CLUH: variants seen among roughly 807,000 people sequenced by gnomAD.
CLUH encodes the protein CLUH binding protein of NUMT mRNA, also known as clustered mitochondria protein homolog.
In CLUH, 77 loss-of-function variants were observed where a neutral mutation model predicts 139.3. That is an observed-to-expected ratio of 0.55 (90% confidence interval 0.46 to 0.67). The LOEUF (loss-of-function observed/expected upper bound fraction) is 0.67. Ranked by LOEUF, CLUH falls within the 30% of genes least tolerant of loss-of-function variation. The pLI is 0.00. For synonymous variants in CLUH, 999 were observed against 801.6 expected (o/e 1.25, Z -4.16); for missense variants, 1,876 against 1,875.8 (o/e 1.00, Z 0.00).
At chr17:2,696,982 C>CG in intron 10 of CLUH, 40 bp from the exon 11 acceptor site, 1 of 1,449,902 alleles carries the variant, frequency 6.9e-7, no homozygotes, top group Non-Finnish European at 9.2e-7. Context: ...AGCTGGACAT[C>CG]GGGGAGAGGA....
rs1597619781 is a variant in CLUH at position 2,701,951 on chromosome 17, C to T, written c.582G>A (p.Leu194=). The T allele has an allele frequency of 1.9e-6, 3 of 1,614,012 alleles. No homozygotes were observed. The highest frequency in any genetic ancestry group is 2.5e-6 in the Non-Finnish European group (3 of 1,179,906). ...CGTCGGTGAAGACACTCAGGAAGGA[C>T]AAGGAGTTGCAGTCAACCCCGTTGA... ...DAFNGVDCNS[L]SFLSVFTDGD... Residue 194 remains leucine, a synonymous_variant, in exon 4 of 26, where the codon TTG becomes TTA. Coordinates refer to ENST00000651024, the MANE Select transcript of CLUH (RefSeq NM_001366661.1).
Position 2,698,603 on chromosome 17 carries a change from G to A in CLUH, c.1267-13C>T, listed in dbSNP as rs755824129. The A allele has an allele frequency of 2.5e-6, 4 of 1,575,098 alleles. No homozygotes were observed. The highest frequency in any genetic ancestry group is 2.3e-5 in the East Asian group (1 of 43,212). ...AGTCGCTGTGCACCTGGCGGGGGTC[G>A]AGGAGGGCAGGGTTAGAGGCCGCGC... On this transcript the variant is annotated splice_polypyrimidine_tract_variant and intron_variant, in intron 9 of 25. Transcript: ENST00000651024.
chr17:2,691,222 C>G (rs117375083), intron 25 of CLUH, among the ~76,000 whole-genome samples: 838 of 152,264 alleles, frequency 5.5e-3, no homozygotes, highest in Middle Eastern at 0.01. Context: ...TTGTGTGAAG[C>G]AGAAACACCA....
chr17:2,703,102 A>G lies in CLUH; in HGVS notation c.475+216T>C, dbSNP rs1384748036. Among the ~76,000 whole-genome samples the G allele has an allele frequency of 6.6e-6, 1 of 152,056 alleles. No individual in the cohort carries two copies. The highest frequency in any genetic ancestry group is 1.5e-5 in the Non-Finnish European group (1 of 68,014). On this transcript the variant is annotated intron_variant, in intron 3 of 25. Transcript: ENST00000651024. The surrounding 1 kb of genome is among the most constrained non-coding windows in gnomAD (Gnocchi z 4.2). ...TGGCCTCCCAAAGTGTTGGGATTAC[A>G]GGCGTGAGCCACCATGCCCAGCCCA...
At chr17:2,710,725 GCAGCCACTGCCA>G (rs939991774) in intron 1 of CLUH, among the ~76,000 whole-genome samples, 5 of 152,186 alleles carry the variant, frequency 3.3e-5, no homozygotes, top group African/African-American at 1.2e-4. Flanking sequence ...GAGACAAGCT[GCAGCCACTGCCA>G]CAGTCACCAC....
intron 16 of CLUH, 35 bp downstream of exon 16, chr17:2,694,822 T>TGCCCCCCCCCC: frequency 1.4e-5 from 19 of 1,346,330 alleles, no homozygotes; most frequent in Non-Finnish European, 1.7e-5. Flanking sequence ...ATCTGCCCAA[T>TGCCCCCCCCCC]CCCACCCACC....
At chr17:2,705,680 G>A (rs748059232) in intron 1 of CLUH, among the ~76,000 whole-genome samples, 1 of 152,058 alleles carries the variant, frequency 6.6e-6, no homozygotes, top group African/African-American at 2.4e-5. Flanking sequence ...CCAGGGTGGC[G>A]TCCTCACCAG....
rs1485894483 is a variant in CLUH at position 2,695,356 on chromosome 17, A to ACCC, written c.2544+15_2544+17dup. On this transcript the variant is annotated intron_variant, in intron 14 of 25. Transcript: ENST00000651024. ...AGTCCCACAGCTCCCGTTCCGCCCC[A>ACCC]CCCCGGGCAGCACTCACAAAGACGT... 1.7e-5 allele frequency: 27 copies of ACCC among 1,612,726 alleles called. No homozygotes were observed. Among genetic ancestry groups the ACCC allele is most frequent in the Non-Finnish European group, 2.3e-5 (27 of 1,179,680 alleles).
chr17:2,693,548 C>T (rs533929213), intron 19 of CLUH, among the ~76,000 whole-genome samples: 1 of 115,250 alleles, frequency 8.7e-6, no homozygotes, highest in Non-Finnish European at 1.8e-5. Flanking sequence ...CCACCAGCCC[C>T]GGCCAGGCAG....
intron 25 of CLUH, among the ~76,000 whole-genome samples, chr17:2,691,305 T>C (rs1457386460): frequency 2.6e-5 from 4 of 152,068 alleles, no homozygotes; most frequent in Admixed American, 2.6e-4. Flanking sequence ...GGCTCACGCC[T>C]GGAATCCCAG....
At chr17:2,692,910 C>T in intron 19 of CLUH, 50 bp from the exon 20 acceptor site, 1 of 1,506,130 alleles carries the variant, frequency 6.6e-7, no homozygotes, top group Non-Finnish European at 8.9e-7. Context: ...CCCACTGCAC[C>T]CAGAGCCCGC....
Position 2,700,771 on chromosome 17 carries a change from C to A in CLUH, c.1080G>T (p.Trp360Cys). The change falls in exon 8 of 26, where the codon TGG (tryptophan) becomes TGT (cysteine). Residue 360 changes from tryptophan (W) to cysteine (C), a missense_variant. Transcript: ENST00000651024. ...RIATPFQVYSWTAPQAEHAMD... is the reference protein window; with the variant it reads ...RIATPFQVYSCTAPQAEHAMD... Reference sequence around the variant, plus strand: ...TGGCATGCTCCGCCTGGGGGGCTGTCCAGCTGTACACCTGGAATGGGGTGG... The same window carrying A: ...TGGCATGCTCCGCCTGGGGGGCTGTACAGCTGTACACCTGGAATGGGGTGG... 6.5e-7 allele frequency: 1 copy of A among 1,542,384 alleles called. No individual in the cohort carries two copies. The highest frequency in any genetic ancestry group is 8.7e-7 in the Non-Finnish European group (1 of 1,150,156).
At position 2,707,108 on chromosome 17, in the gene CLUH, C is replaced by T. The variant is rs1348061353; in HGVS notation, c.101-2544G>A. 1 of 930,814 alleles carries T rather than the reference C, an allele frequency of 1.1e-6. No individual in the cohort carries two copies. Among genetic ancestry groups the T allele is most frequent in the Admixed American group, 6.2e-5 (1 of 16,210 alleles). 57.7% of individuals were successfully genotyped at this position (930,814 alleles called of 1,614,324 possible). A position where few individuals can be genotyped will look rare whatever the true frequency, so the allele number is the denominator to read the frequency against. ...AGGAACCCCGAAGGTCTCCCCACCC[C>T]TGGATGAAGGCTGAGCGATCTCCCC... On this transcript the variant is annotated intron_variant, in intron 1 of 25. Coordinates refer to ENST00000651024, the MANE Select transcript of CLUH (RefSeq NM_001366661.1). The surrounding 1 kb of genome is among the most constrained non-coding windows in gnomAD (Gnocchi z 7.4).
At position 2,695,503 on chromosome 17, in the gene CLUH, C is replaced by T. The variant is rs370316705; in HGVS notation, c.2415G>A (p.Ala805=). The part of the protein sequence containing the change: ...PGLVKDCMEH[A]VLPVDGATLA... ...GCGTTGCCCCGTCCACGGGCAGGAC[C>T]GCGTGCTCCATGCAGTCCTTCACCT... Residue 805 remains alanine, a synonymous_variant, in exon 14 of 26, where the codon GCG becomes GCA. Transcript: ENST00000651024. The T allele has an allele frequency of 1.9e-5, 31 of 1,605,698 alleles. No individual in the cohort carries two copies. In the African/African-American group the frequency reaches 2.5e-4, roughly 13 times the overall value.
chr17:2,691,967 G>GCCCCGCC (rs2069683888), intron 23 of CLUH, 37 bp downstream of exon 23: 3 of 727,970 alleles, frequency 4.1e-6, no homozygotes, highest in Non-Finnish European at 5.2e-6. Flanking sequence ...CCACGCCCCC[G>GCCCCGCC]CCCCGCCCCC....
Position 2,700,447 on chromosome 17 carries a change from T to C in CLUH, c.1201A>G (p.Thr401Ala). 1 of 1,613,064 alleles carries C rather than the reference T, an allele frequency of 6.2e-7. No individual in the cohort carries two copies. The highest frequency in any genetic ancestry group is 8.5e-7 in the Non-Finnish European group (1 of 1,179,756). The stretch of plus-strand genomic sequence containing the variant: ...TTCTTGCGAGGCAGCTCCCTCGTCG[T>C]CTGCAGCTCCTCATTCCAGTCTCGG... ...QTRDWNEELQ[T>A]TRELPRKNLP... The change falls in exon 9 of 26, where the codon ACG becomes GCG. Residue 401 changes from threonine (T) to alanine (A), a missense_variant. Thr to Ala is a moderately conservative substitution (Grantham distance 58). This residue lies in a region of CLUH where 1,454 missense variants were observed against 1,384.4 expected (regional missense o/e 1.05). Coordinates refer to ENST00000651024, the MANE Select transcript of CLUH (RefSeq NM_001366661.1).
chr17:2,704,269 G>A lies in CLUH; in HGVS notation c.303+93C>T, dbSNP rs982267836. 4 of 1,337,418 alleles carry A rather than the reference G, an allele frequency of 3.0e-6. No individual in the cohort carries two copies. The highest frequency in any genetic ancestry group is 4.1e-6 in the Non-Finnish European group (4 of 979,226). 82.8% of individuals were successfully genotyped at this position (1,337,418 alleles called of 1,614,324 possible). On this transcript the variant is annotated intron_variant, in intron 2 of 25. Transcript: ENST00000651024. The surrounding 1 kb of genome is among the most constrained non-coding windows in gnomAD (Gnocchi z 5.7). ...ATCCTCAGTTTCCTGCCACAAAATG[G>A]GGCCGGTAGGAGCACGAGCAAGGCT...
chr17:2,697,738 A>G (rs2070013563), intron 10 of CLUH, among the ~76,000 whole-genome samples, 158 bp downstream of exon 10: 1 of 152,206 alleles, frequency 6.6e-6, no homozygotes, highest in South Asian at 2.1e-4. Context: ...GCCTGACAGC[A>G]GGGCAGGTGG....
rs967776921 is a variant in CLUH, at chr17:2,707,761, C to T, written c.101-3197G>A. ...GCCATAAGGTGGCTGCCTCTGCCCA[C>T]CAGTCCCAGACACTGAGCACCCCAC... On this transcript the variant is annotated intron_variant, in intron 1 of 25. Coordinates refer to ENST00000651024, the MANE Select transcript of CLUH (RefSeq NM_001366661.1). This position sits in a 1 kb window ranked among gnomAD's most constrained non-coding sequence, Gnocchi z 7.4. 6.1e-6 allele frequency: 6 copies of T among 985,324 alleles called. No homozygotes were observed. The highest frequency in any genetic ancestry group is 7.2e-6 in the Non-Finnish European group (6 of 829,924). 61.0% of individuals were successfully genotyped at this position (985,324 alleles called of 1,614,324 possible).
Sources: allele counts gnomAD v4.1 joint callset (sites outside exome capture counted in the v4.1 genomes callset), GRCh38; gene constraint gnomAD v4.1.1; regional missense constraint gnomAD v4.1.1; non-coding constraint Gnocchi (gnomAD v3.1); transcripts MANE v1.5; gene names NCBI Gene and HGNC (gene_info 2026-07-23, HGNC 2026-07-21).